SLC25A30: variants seen among roughly 807,000 people sequenced by gnomAD.
SLC25A30 encodes the protein solute carrier family 25 member 30.
A neutral mutation model predicts 42.7 loss-of-function variants in SLC25A30; 29 were observed. The ratio of observed to expected loss-of-function variants is 0.68; its 90% confidence interval spans 0.51 to 0.93. SLC25A30 has a LOEUF of 0.93. Ranked by LOEUF, SLC25A30 falls within the 40% of genes least tolerant of loss-of-function variation. SLC25A30 has a pLI of 0.00. For synonymous variants in SLC25A30, 124 were observed against 131.0 expected, an observed-to-expected ratio of 0.95 and a Z score of 0.37; for missense variants, 300 against 359.7, an observed-to-expected ratio of 0.83 and a Z score of 1.34.
rs1479567106 is a variant in SLC25A30, at chr13:45,395,997, G to T, written c.853C>A (p.Gln285Lys). The stretch of plus-strand genomic sequence containing the variant: ...TGTCACAAATCCAATTTCTTCAACT[G>T]CTCGTATGTCACAAAGAACTGTGGT... The part of the protein sequence containing the change: ...WNIIFFVTYE[Q>K]LKKLDL The change falls in exon 10 of 10, where the codon CAG becomes AAG. Residue 285 changes from glutamine (Q) to lysine (K), a missense_variant. Coordinates refer to ENST00000519676, the MANE Select transcript of SLC25A30 (RefSeq NM_001010875.4). The T allele has an allele frequency of 6.2e-7, 1 of 1,614,184 alleles. No individual in the cohort carries two copies. The highest frequency in any genetic ancestry group is 2.2e-5 in the East Asian group (1 of 44,882).
chr13:45,417,133 C>T (rs1169060523), intron 1 of SLC25A30, among the ~76,000 whole-genome samples: 2 of 152,162 alleles, frequency 1.3e-5, no homozygotes, highest in Non-Finnish European at 2.9e-5. Context: ...CCTGTCTCAA[C>T]CTCCCGAGTA....
chr13:45,429,831 T>TC, the SLC25A30 span, among the ~76,000 whole-genome samples: 1 of 149,676 alleles, frequency 6.7e-6, no homozygotes, highest in Non-Finnish European at 1.5e-5. Context: ...CAAGACCTTG[T>TC]CTCAGAAAAA....
At chr13:45,424,625 A>T in the SLC25A30 span, among the ~76,000 whole-genome samples, 1 of 75,144 alleles carries the variant, frequency 1.3e-5, no homozygotes, top group East Asian at 3.4e-4. Context: ...ATAAATATAT[A>T]TAAATATGTA....
At chr13:45,407,078 A>G (rs1882579939) in intron 3 of SLC25A30, among the ~76,000 whole-genome samples, 1 of 152,128 alleles carries the variant, frequency 6.6e-6, no homozygotes, top group South Asian at 2.1e-4. Context: ...CCTGGACAAC[A>G]TGGCAAAACC....
chr13:45,408,312 T>A (rs1157515984), intron 3 of SLC25A30, among the ~76,000 whole-genome samples: 1 of 152,164 alleles, frequency 6.6e-6, no homozygotes, highest in Non-Finnish European at 1.5e-5. Flanking sequence ...CAGATTTTTA[T>A]GTGCAATTTC....
At position 45,408,977 on chromosome 13, in the gene SLC25A30, G is replaced by T; in HGVS notation, c.162C>A (p.His54Gln). ...CTTCTCTGCCTATCCTCACTAATGCGTGCAACATTCCTCGGTATCTAATTT... is the reference window on the plus strand; with the variant it reads ...CTTCTCTGCCTATCCTCACTAATGCTTGCAACATTCCTCGGTATCTAATTT... ...FKEIRYRGML[H>Q]ALVRIGREEG... Residue 54 changes from histidine to glutamine, a missense_variant, in exon 3 of 10, where the codon CAC becomes CAA. By Grantham distance (24) the His-to-Gln change is conservative. Coordinates refer to ENST00000519676, the MANE Select transcript of SLC25A30 (RefSeq NM_001010875.4). The T allele has an allele frequency of 1.2e-6, 2 of 1,613,338 alleles. No homozygotes were observed. Among genetic ancestry groups the T allele is most frequent in the Non-Finnish European group, 1.7e-6 (2 of 1,179,718 alleles).
Position 45,402,388 on chromosome 13 carries a change from G to T in SLC25A30, c.394-18C>A. 6.2e-7 allele frequency: 1 copy of T among 1,601,330 alleles called. No individual in the cohort carries two copies. The highest frequency in any genetic ancestry group is 2.2e-5 in the East Asian group (1 of 44,774). The stretch of plus-strand genomic sequence containing the variant: ...ATCCGAATCTAGAGATTATTTTAAA[G>T]ACCAACATCAGAAAGAAACTACCAC... On this transcript the variant is annotated intron_variant, in intron 5 of 9. Transcript: ENST00000519676.
the SLC25A30 span, among the ~76,000 whole-genome samples, chr13:45,433,132 C>T: frequency 1.3e-5 from 2 of 151,320 alleles, no homozygotes; most frequent in Non-Finnish European, 2.9e-5. Flanking sequence ...CTCTAACTTT[C>T]TGAGTTGCTT....
intron 3 of SLC25A30, among the ~76,000 whole-genome samples, chr13:45,408,557 T>C (rs1389256889): frequency 6.6e-6 from 1 of 152,174 alleles, no homozygotes; most frequent in Non-Finnish European, 1.5e-5. Context: ...TGGAAAGTAG[T>C]TCACTGCAAC....
upstream of SLC25A30, among the ~76,000 whole-genome samples, chr13:45,421,451 G>A (rs1304320468): frequency 1.3e-5 from 2 of 150,598 alleles, no homozygotes; most frequent in Non-Finnish European, 2.9e-5. Flanking sequence ...ACTATTCAGT[G>A]CCAGTCCCTG....
chr13:45,396,109 TA>T, intron 9 of SLC25A30, 94 bp from the exon 10 acceptor site: 1 of 1,612,364 alleles, frequency 6.2e-7, no homozygotes, highest in Admixed American at 1.7e-5. Flanking sequence ...TAATAACAAA[TA>T]GGTACAGGCA....
At chr13:45,416,605 T>TA (rs1018324207) in intron 1 of SLC25A30, among the ~76,000 whole-genome samples, 1 of 151,770 alleles carries the variant, frequency 6.6e-6, no homozygotes, top group South Asian at 2.1e-4. Context: ...CCACCTATAC[T>TA]AAAAAAATCC....
At chr13:45,403,004 G>A (rs1174569700) in intron 5 of SLC25A30, among the ~76,000 whole-genome samples, 5 of 152,176 alleles carry the variant, frequency 3.3e-5, no homozygotes, top group African/African-American at 1.2e-4. Context: ...TACAAAATGT[G>A]TACCTTATTT....
At chr13:45,396,080 G>A in intron 9 of SLC25A30, 65 bp from the exon 10 acceptor site, 1 of 1,613,938 alleles carries the variant, frequency 6.2e-7, no homozygotes, top group African/African-American at 1.3e-5. Context: ...CATAACAACA[G>A]ACTTACAAAT....
the SLC25A30 span, among the ~76,000 whole-genome samples, chr13:45,425,753 T>C: frequency 2.1e-5 from 3 of 143,998 alleles, no homozygotes; most frequent in Admixed American, 7.5e-5. Context: ...AGGGCAGTGG[T>C]GGGAACTCGG....
At position 45,408,926 on chromosome 13, in the gene SLC25A30, C is replaced by A. The variant is rs749233489; in HGVS notation, c.212+1G>T. 3.1e-6 allele frequency: 5 copies of A among 1,606,552 alleles called. No homozygotes were observed. The African/African-American group carries it at 5.4e-5, about 17-fold the overall frequency. ...ACAGAAATGCATGAAGGCCTACTCA[C>A]CCCGAGTAGAGTGCTTTCAGCCCTT... On this transcript the variant is annotated splice_donor_variant, in intron 3 of 9. Transcript: ENST00000519676. LOFTEE classifies it high-confidence loss of function.
chr13:45,421,086 TA>T (rs1191717338), upstream of SLC25A30, among the ~76,000 whole-genome samples: 1 of 150,588 alleles, frequency 6.6e-6, no homozygotes, highest in Non-Finnish European at 1.5e-5. Context: ...GAAACAAGAA[TA>T]ACAAAAAAAG....
chr13:45,433,367 T>C, the SLC25A30 span, among the ~76,000 whole-genome samples: 2 of 152,178 alleles, frequency 1.3e-5, no homozygotes, highest in South Asian at 4.1e-4. Context: ...TTCTAAAGTG[T>C]GGCTTTTCGG....
At chr13:45,411,899 C>T (rs1044626784) in intron 1 of SLC25A30, 2 of 158,978 alleles carry the variant, frequency 1.3e-5, no homozygotes, top group African/African-American at 2.4e-5. Flanking sequence ...ATTGTTTCAA[C>T]CCAGGATTTC....
Sources: gnomAD v4.1 joint callset for allele counts (sites outside exome capture counted in the v4.1 genomes callset) on GRCh38, gnomAD v4.1.1 for gene constraint, MANE v1.5 for transcripts, NCBI Gene and HGNC (gene_info 2026-07-23, HGNC 2026-07-21) for gene names.